Variants in BRINP1 observed in about 807,000 individuals in gnomAD.
The protein encoded by BRINP1 is BMP/retinoic acid inducible neural specific 1, also known as BMP/retinoic acid-inducible neural-specific protein 1.
In BRINP1, 17 loss-of-function variants were observed where a neutral mutation model predicts 72.9. That is an observed-to-expected ratio of 0.23 (90% CI 0.16 to 0.35). The LOEUF is 0.35. Ranked by LOEUF, BRINP1 falls within the 10% of genes least tolerant of loss-of-function variation. The probability of loss-of-function intolerance (pLI) is 1.00; values close to 1 mark genes in which losing one functional copy is unlikely to be tolerated. For synonymous variants in BRINP1, 418 were observed against 378.5 expected (o/e 1.10, Z -1.21); for missense variants, 850 against 1,001.6 (o/e 0.85, Z 2.04).
intron 1 of BRINP1, among the ~76,000 whole-genome samples, chr9:119,343,861 G>A (rs1392260140): frequency 6.6e-6 from 1 of 152,116 alleles, no homozygotes; most frequent in African/African-American, 2.4e-5. Flanking sequence ...AGACCTCCAC[G>A]TGTTTACATA....
intron 6 of BRINP1, among the ~76,000 whole-genome samples, chr9:119,209,655 TA>T (rs752181607): frequency 3.3e-5 from 5 of 152,246 alleles, no homozygotes; most frequent in Non-Finnish European, 4.4e-5. Flanking sequence ...ATGGTAGCTA[TA>T]AAAATAAATA....
chr9:119,244,047 A>G (rs548236621), intron 3 of BRINP1, among the ~76,000 whole-genome samples: 3 of 152,256 alleles, frequency 2.0e-5, no homozygotes, highest in Admixed American at 6.5e-5. Flanking sequence ...CCTCGTCGTT[A>G]GGACTTCTAT....
chr9:119,324,728 T>C (rs1831221587), intron 1 of BRINP1, among the ~76,000 whole-genome samples: 3 of 152,218 alleles, frequency 2.0e-5, no homozygotes, highest in Non-Finnish European at 2.9e-5. Flanking sequence ...ATAATTTATA[T>C]ACATACATTC....
Position 119,362,577 on chromosome 9 carries a change from G to A in BRINP1, c.-51+6479C>T, listed in dbSNP as rs544385883. On this transcript the variant is annotated intron_variant, in intron 1 of 7. Coordinates refer to ENST00000265922, the MANE Select transcript of BRINP1 (RefSeq NM_014618.3). ...GTCACTTTGTCCAAAGCCTTTCCAC[G>A]ACAAGATATGCAATAAATATTTGCT... Among the ~76,000 whole-genome samples, 8 of 152,250 alleles carry A rather than the reference G, an allele frequency of 5.3e-5. No individual in the cohort carries two copies. In the Middle Eastern group the frequency reaches 0.014, roughly 259 times the overall value.
At chr9:119,169,242 CAGACAGTGGGCGCA>C (rs1338540804) in intron 7 of BRINP1, among the ~76,000 whole-genome samples, 1 of 152,200 alleles carries the variant, frequency 6.6e-6, no homozygotes, top group Non-Finnish European at 1.5e-5. Flanking sequence ...TAGGGAGTGC[CAGACAGTGGGCGCA>C]GGTCATTGGG....
rs112009324 is a variant in BRINP1, at chr9:119,180,479, A to ATGTG, written c.1146-12259_1146-12256dup. ...GTGCTGTGTGTGACTCTCTCTGTGC[A>ATGTG]TGTGTGTGTGTGTGTGTGTGTGTGT... On this transcript the variant is annotated intron_variant, in intron 7 of 7. Transcript: ENST00000265922. Among the ~76,000 whole-genome samples, 704 of 132,304 alleles carry ATGTG rather than the reference A, an allele frequency of 5.3e-3. 3 individuals are homozygous for ATGTG. The highest frequency in any genetic ancestry group is 8.3e-3 in the South Asian group (35 of 4,238). The allele number at this position is 132,304 out of a possible 152,430, so 86.8% of individuals were successfully genotyped here.
chr9:119,309,420 A>T (rs1431045739), intron 2 of BRINP1, among the ~76,000 whole-genome samples: 1 of 152,212 alleles, frequency 6.6e-6, no homozygotes, highest in Non-Finnish European at 1.5e-5. Context: ...GTTGTGTAAT[A>T]TGAACAATGG....
chr9:119,182,768 T>C (rs1337062481), intron 7 of BRINP1, among the ~76,000 whole-genome samples: 3 of 152,230 alleles, frequency 2.0e-5, no homozygotes, highest in African/African-American at 7.2e-5. Context: ...TATTTCATTA[T>C]AGCAGCCTGA....
intron 2 of BRINP1, among the ~76,000 whole-genome samples, chr9:119,289,252 G>A (rs1043857822): frequency 2.0e-5 from 3 of 152,234 alleles, no homozygotes; most frequent in Admixed American, 6.5e-5. Flanking sequence ...AGAAGTAATT[G>A]GGTGTGGCCT....
chr9:119,285,088 A>G (rs914672865), intron 2 of BRINP1, among the ~76,000 whole-genome samples: 1 of 151,964 alleles, frequency 6.6e-6, no homozygotes, highest in African/African-American at 2.4e-5. Flanking sequence ...TTTGCCTGCC[A>G]CTGAGAAATG....
At chr9:119,238,867 G>T in intron 4 of BRINP1, 107 bp from the exon 5 acceptor site, 1 of 658,312 alleles carries the variant, frequency 1.5e-6, no homozygotes. Flanking sequence ...AAGGCCTCCT[G>T]GTTTGAGTCA....
intron 7 of BRINP1, among the ~76,000 whole-genome samples, chr9:119,183,263 CAGT>C (rs1408076011): frequency 6.6e-6 from 1 of 152,094 alleles, no homozygotes; most frequent in African/African-American, 2.4e-5. Context: ...TGACCATCAG[CAGT>C]AGAAGAGAAT....
intron 2 of BRINP1, among the ~76,000 whole-genome samples, chr9:119,285,006 A>C (rs1387415275): frequency 1.3e-5 from 2 of 152,164 alleles, no homozygotes; most frequent in Non-Finnish European, 2.9e-5. Context: ...CTGGTGAGGA[A>C]AAAGAGCATC....
At chr9:119,311,282 GAACTCTGTCA>G (rs1831064091) in intron 2 of BRINP1, among the ~76,000 whole-genome samples, 1 of 152,218 alleles carries the variant, frequency 6.6e-6, no homozygotes, top group Non-Finnish European at 1.5e-5. Flanking sequence ...CTTCTGGGTT[GAACTCTGTCA>G]TTTAATTAAC....
At position 119,182,795 on chromosome 9, in the gene BRINP1, C is replaced by T. The variant is rs537505571; in HGVS notation, c.1146-14571G>A. On this transcript the variant is annotated intron_variant, in intron 7 of 7. Coordinates refer to ENST00000265922, the MANE Select transcript of BRINP1 (RefSeq NM_014618.3). ...GCAGCCTGAACAGACTAAGATAATACGTAAACAACTACAAATCAGTGAGCA... is the reference window on the plus strand; with the variant it reads ...GCAGCCTGAACAGACTAAGATAATATGTAAACAACTACAAATCAGTGAGCA... 3.6e-4 allele frequency among the ~76,000 whole-genome samples: 55 copies of T among 152,196 alleles called. 1 individual carries two copies. The South Asian group carries it at 8.9e-3, about 25-fold the overall frequency.
At chr9:119,356,321 AC>A (rs1371504612) in intron 1 of BRINP1, among the ~76,000 whole-genome samples, 2 of 152,216 alleles carry the variant, frequency 1.3e-5, no homozygotes, top group African/African-American at 4.8e-5. Flanking sequence ...CATCTGGTCC[AC>A]ATGCATTATC....
chr9:119,364,324 A>G (rs1382146809), intron 1 of BRINP1, among the ~76,000 whole-genome samples: 1 of 152,192 alleles, frequency 6.6e-6, no homozygotes, highest in Non-Finnish European at 1.5e-5. Context: ...AATATGACAT[A>G]GGCTGGTTTG....
At position 119,179,251 on chromosome 9, in the gene BRINP1, C is replaced by T. The variant is rs145556122; in HGVS notation, c.1146-11027G>A. Among the ~76,000 whole-genome samples the T allele has an allele frequency of 1.8e-3, 279 of 152,310 alleles. 2 individuals are homozygous for T. The highest frequency in any genetic ancestry group is 6.5e-3 in the African/African-American group (271 of 41,572). On this transcript the variant is annotated intron_variant, in intron 7 of 7. Transcript: ENST00000265922. ...TTTCTCTGTCCCTAAGGATCCAAAG[C>T]ATCTTCCATCTGCAGCCAAAGCTGA...
chr9:119,225,192 T>C (rs1352052002), intron 5 of BRINP1, among the ~76,000 whole-genome samples: 1 of 152,072 alleles, frequency 6.6e-6, no homozygotes, highest in Non-Finnish European at 1.5e-5. Flanking sequence ...CAATGAAGTA[T>C]TAATTCTGCC....
Sources: gnomAD v4.1 joint callset for allele counts (sites outside exome capture counted in the v4.1 genomes callset) on GRCh38, gnomAD v4.1.1 for gene constraint, MANE v1.5 for transcripts, NCBI Gene and HGNC (gene_info 2026-07-23, HGNC 2026-07-21) for gene names.